Variants in SDK1 observed in about 807,000 individuals in gnomAD.
SDK1 encodes the protein protein sidekick-1.
SDK1 carries 157 observed loss-of-function variants against 245.5 expected under a neutral mutation model. The ratio of observed to expected loss-of-function variants is 0.64; its 90% CI spans 0.56 to 0.73. The LOEUF (loss-of-function observed/expected upper bound fraction) is 0.73. Ranked by LOEUF, SDK1 falls within the 30% of genes least tolerant of loss-of-function variation. The probability of loss-of-function intolerance (pLI) is 0.00; values close to 1 mark genes in which losing one functional copy is unlikely to be tolerated. For synonymous variants in SDK1, 1,647 were observed against 1,278.5 expected (o/e 1.29, Z -6.15); for missense variants, 3,583 against 3,002.3 (o/e 1.19, Z -4.52).
At chr7:3,985,424 G>C (rs1783745012) in intron 13 of SDK1, among the ~76,000 whole-genome samples, 1 of 152,232 alleles carries the variant, frequency 6.6e-6, no homozygotes, top group Non-Finnish European at 1.5e-5. Context: ...TGGGGCTTGG[G>C]AGGAGTAGAA....
intron 40 of SDK1, among the ~76,000 whole-genome samples, chr7:4,232,645 T>C (rs1480223091): frequency 6.6e-6 from 1 of 151,520 alleles, no homozygotes; most frequent in Non-Finnish European, 1.5e-5. Flanking sequence ...TTTAAAATTG[T>C]GCATATATAT....
chr7:4,042,982 C>T (rs939047731), intron 17 of SDK1, among the ~76,000 whole-genome samples: 50 of 152,188 alleles, frequency 3.3e-4, no homozygotes, highest in African/African-American at 1.2e-3. Context: ...TGAATTAAAC[C>T]TAGGGTATTG....
intron 4 of SDK1, among the ~76,000 whole-genome samples, chr7:3,727,403 CA>C (rs1220673286): frequency 1.3e-5 from 2 of 152,178 alleles, no homozygotes; most frequent in Non-Finnish European, 2.9e-5. Flanking sequence ...CGTTTGCCAT[CA>C]GCTTGTCACC....
intron 17 of SDK1, among the ~76,000 whole-genome samples, chr7:4,017,617 A>C (rs1006971347): frequency 6.6e-6 from 1 of 152,148 alleles, no homozygotes; most frequent in Non-Finnish European, 1.5e-5. Flanking sequence ...GGGTGCATCT[A>C]GTCTTGAAAA....
At chr7:3,636,422 G>A (rs1262732498) in intron 2 of SDK1, among the ~76,000 whole-genome samples, 1 of 151,952 alleles carries the variant, frequency 6.6e-6, no homozygotes, top group Non-Finnish European at 1.5e-5. Context: ...TCTATGAACT[G>A]GACTATTTTA....
chr7:4,010,281 C>CA (rs1219452308), intron 14 of SDK1, among the ~76,000 whole-genome samples: 2 of 152,198 alleles, frequency 1.3e-5, no homozygotes, highest in South Asian at 2.1e-4. Context: ...TTAAACTCTG[C>CA]AAAAAATCCA....
intron 30 of SDK1, 56 bp downstream of exon 30, chr7:4,149,519 C>T: frequency 8.0e-7 from 1 of 1,256,130 alleles, no homozygotes; most frequent in Non-Finnish European, 1.1e-6. Flanking sequence ...CGCCTCCAGC[C>T]AGCTCCTGTC....
At chr7:3,696,622 A>T (rs7792769) in intron 4 of SDK1, among the ~76,000 whole-genome samples, 1 of 151,232 alleles carries the variant, frequency 6.6e-6, no homozygotes, top group South Asian at 2.1e-4. Context: ...ATTTAAGGTT[A>T]CTCAAAAAGC....
intron 7 of SDK1, among the ~76,000 whole-genome samples, chr7:3,957,012 G>T (rs544745594): frequency 6.6e-6 from 1 of 152,160 alleles, no homozygotes; most frequent in South Asian, 2.1e-4. Context: ...TATGGATTTT[G>T]TATCATCAAA....
chr7:4,206,422 AC>A (rs1274689429), intron 36 of SDK1, among the ~76,000 whole-genome samples: 1 of 152,132 alleles, frequency 6.6e-6, no homozygotes, highest in African/African-American at 2.4e-5. Flanking sequence ...ACAGTTGGAC[AC>A]TGAGTGAGTC....
At position 3,560,284 on chromosome 7, in the gene SDK1, T is replaced by C. The variant is rs371735842; in HGVS notation, c.299-58796T>C. ...TGTCCAATTAATTACATTTTATTGA[T>C]GTACTGTCTATATGCTGATGATATC... On this transcript the variant is annotated intron_variant, in intron 1 of 44. Coordinates refer to ENST00000404826, the MANE Select transcript of SDK1 (RefSeq NM_152744.4). Among the ~76,000 whole-genome samples the C allele has an allele frequency of 1.4e-4, 21 of 152,350 alleles. 1 individual carries two copies. In the East Asian group the frequency reaches 4.0e-3, roughly 29 times the overall value.
chr7:3,371,880 G>T (rs1019637352), intron 1 of SDK1, among the ~76,000 whole-genome samples: 1 of 152,170 alleles, frequency 6.6e-6, no homozygotes, highest in Admixed American at 6.5e-5. Context: ...ACGAACAGAG[G>T]TTTCTACTTA....
At chr7:3,823,051 G>A (rs567740831) in intron 5 of SDK1, among the ~76,000 whole-genome samples, 1 of 152,212 alleles carries the variant, frequency 6.6e-6, no homozygotes, top group East Asian at 1.9e-4. Context: ...ACAGATTTAG[G>A]ATGAGTGGGG....
chr7:3,384,735 A>G (rs1487762590), intron 1 of SDK1, among the ~76,000 whole-genome samples: 6 of 152,198 alleles, frequency 3.9e-5, no homozygotes, highest in African/African-American at 1.2e-4. Flanking sequence ...ACTTACACCT[A>G]CGTGTACATA....
chr7:3,743,976 A>T (rs1367751638), intron 4 of SDK1, among the ~76,000 whole-genome samples: 1 of 152,142 alleles, frequency 6.6e-6, no homozygotes, highest in Non-Finnish European at 1.5e-5. Flanking sequence ...AATTAATAAG[A>T]CACTATTAAT....
At chr7:4,113,972 C>G (rs1476110719) in intron 24 of SDK1, 65 bp from the exon 25 acceptor site, 2 of 1,419,946 alleles carry the variant, frequency 1.4e-6, no homozygotes, top group Non-Finnish European at 2.0e-6. Flanking sequence ...AGGCCCATCC[C>G]TTACAACCCG....
At chr7:3,849,746 G>A (rs562241896) in intron 5 of SDK1, among the ~76,000 whole-genome samples, 13 of 152,306 alleles carry the variant, frequency 8.5e-5, no homozygotes, top group Middle Eastern at 3.4e-3. Flanking sequence ...GTTACAACAA[G>A]TAGTCTTTTA....
chr7:4,067,622 G>A (rs971415008), intron 19 of SDK1, among the ~76,000 whole-genome samples: 1 of 152,208 alleles, frequency 6.6e-6, no homozygotes, highest in Non-Finnish European at 1.5e-5. Context: ...CCAGTGCCCT[G>A]TGTGGCTGGG....
chr7:4,077,843 A>G (rs190141016), intron 21 of SDK1, among the ~76,000 whole-genome samples: 8 of 152,336 alleles, frequency 5.3e-5, no homozygotes, highest in African/African-American at 1.7e-4. Context: ...GGGAGTTACA[A>G]TTCAAGATGA....
Sources: allele counts gnomAD v4.1 joint callset (sites outside exome capture counted in the v4.1 genomes callset), GRCh38; gene constraint gnomAD v4.1.1; transcripts MANE v1.5; gene names NCBI Gene and HGNC (gene_info 2026-07-23, HGNC 2026-07-21).